Variants in TNS1 observed in about 807,000 individuals in gnomAD.
TNS1 encodes tensin-1.
A neutral mutation model predicts 168.6 loss-of-function variants in TNS1; 62 were observed. That is an observed-to-expected ratio of 0.37 (90% CI 0.30 to 0.45). The LOEUF (loss-of-function observed/expected upper bound fraction) is 0.45, where lower values mean the gene tolerates loss of function less well. TNS1 is among the 20% of genes least tolerant of loss of function. TNS1 has a pLI of 1.00. For synonymous variants in TNS1, 934 were observed against 933.2 expected, an observed-to-expected ratio of 1.00 and a Z score of -0.02; for missense variants, 2,240 against 2,339.4, an observed-to-expected ratio of 0.96 and a Z score of 0.88.
intron 18 of TNS1, among the ~76,000 whole-genome samples, chr2:217,876,445 G>T (rs1226351519): frequency 1.3e-5 from 2 of 152,174 alleles, no homozygotes; most frequent in Non-Finnish European, 2.9e-5. Context: ...TCTAACTGGA[G>T]AGAGGCAGAG....
Position 217,818,730 on chromosome 2 carries a change from T to C in TNS1, c.3602A>G (p.Glu1201Gly). Reference protein sequence around the residue: ...STSVGSFPSGESSDQGPRTPT... With the variant: ...STSVGSFPSGGSSDQGPRTPT... The stretch of plus-strand genomic sequence containing the variant: ...CGTCCGGGGACCCTGGTCACTGCTC[T>C]CTCCCGACGGGAAACTCCCCACTGA... The change falls in exon 24 of 33, where the codon GAG becomes GGG. Residue 1201 changes from glutamate to glycine, a missense_variant. Coordinates refer to ENST00000682258, the MANE Select transcript of TNS1 (RefSeq NM_001387777.1). 3 of 1,612,720 alleles carry C rather than the reference T, an allele frequency of 1.9e-6. No homozygotes were observed. The highest frequency in any genetic ancestry group is 2.5e-6 in the Non-Finnish European group (3 of 1,179,354).
At chr2:217,841,816 C>T (rs1254786926) in intron 19 of TNS1, among the ~76,000 whole-genome samples, 2 of 152,172 alleles carry the variant, frequency 1.3e-5, no homozygotes, top group Non-Finnish European at 2.9e-5. Context: ...CTTACCACAG[C>T]CATCTGAGTG....
chr2:218,017,770 A>T (rs1464471108), intron 1 of TNS1, among the ~76,000 whole-genome samples: 1 of 152,266 alleles, frequency 6.6e-6, no homozygotes, highest in Non-Finnish European at 1.5e-5. Flanking sequence ...GTCTAGCAGG[A>T]GACCTGATTC....
intron 2 of TNS1, among the ~76,000 whole-genome samples, chr2:217,982,614 G>T (rs1454845831): frequency 3.9e-5 from 6 of 152,006 alleles, no homozygotes; most frequent in African/African-American, 1.5e-4. Flanking sequence ...ATTTGCCCAG[G>T]CTGGTCTCGA....
intron 18 of TNS1, among the ~76,000 whole-genome samples, chr2:217,862,011 A>G (rs114583052): frequency 2.1e-4 from 32 of 152,338 alleles, no homozygotes; most frequent in South Asian, 4.1e-4. Flanking sequence ...GGTGCAGACT[A>G]CAAGGATGTG....
intron 18 of TNS1, among the ~76,000 whole-genome samples, chr2:217,868,452 C>T (rs1949482303): frequency 6.6e-6 from 1 of 152,178 alleles, no homozygotes; most frequent in Non-Finnish European, 1.5e-5. Context: ...GGACTTGCAG[C>T]CAGAGGCCTT....
intron 1 of TNS1, among the ~76,000 whole-genome samples, chr2:218,002,041 C>G (rs1958574335): frequency 6.6e-6 from 1 of 152,234 alleles, no homozygotes; most frequent in South Asian, 2.1e-4. Context: ...GGGGTCCTCT[C>G]CTCCTCTGAC....
chr2:217,878,850 C>A (rs904100825), intron 18 of TNS1, among the ~76,000 whole-genome samples: 3 of 152,218 alleles, frequency 2.0e-5, no homozygotes, highest in African/African-American at 7.2e-5. Context: ...TCATGAAGGC[C>A]GCTATAGGCA....
chr2:217,917,122 AG>A (rs1464935849), intron 4 of TNS1, among the ~76,000 whole-genome samples: 1 of 152,088 alleles, frequency 6.6e-6, no homozygotes, highest in East Asian at 1.9e-4. Context: ...CCCACTCCCC[AG>A]GGACAGTAGC....
upstream of TNS1, among the ~76,000 whole-genome samples, chr2:218,006,099 G>A (rs1277318075): frequency 6.6e-6 from 1 of 152,082 alleles, no homozygotes; most frequent in Admixed American, 6.6e-5. Context: ...CTGCCTTCCC[G>A]CTGCATGCGG....
chr2:217,916,345 G>A (rs748124967), intron 4 of TNS1, among the ~76,000 whole-genome samples: 3 of 151,264 alleles, frequency 2.0e-5, no homozygotes, highest in Non-Finnish European at 2.9e-5. Flanking sequence ...CTACAGGGAC[G>A]TTCCAAGCCC....
At chr2:217,933,143 C>T (rs192489910) in intron 3 of TNS1, among the ~76,000 whole-genome samples, 1 of 152,308 alleles carries the variant, frequency 6.6e-6, no homozygotes, top group East Asian at 1.9e-4. Context: ...CATTGTTTGG[C>T]TCCATTTGAC....
At chr2:217,987,189 GT>G (rs1050967140) in intron 2 of TNS1, 2 of 152,360 alleles carry the variant, frequency 1.3e-5, no homozygotes, top group African/African-American at 4.8e-5. Flanking sequence ...TGTCTCATCT[GT>G]CTCTGCATCT....
At chr2:217,913,468 G>C (rs370368106) in intron 4 of TNS1, among the ~76,000 whole-genome samples, 3 of 151,928 alleles carry the variant, frequency 2.0e-5, no homozygotes, top group African/African-American at 7.3e-5. Flanking sequence ...TCTCCTCCCC[G>C]ACCTGGCCAG....
At position 217,800,498 on chromosome 2, in the gene TNS1, C is replaced by T. The variant is rs139717798; in HGVS notation, c.*3961G>A. The T allele has an allele frequency of 6.6e-6, 1 of 152,310 alleles. No homozygotes were observed. The highest frequency in any genetic ancestry group is 1.5e-5 in the Non-Finnish European group (1 of 68,124). 9.4% of individuals were successfully genotyped at this position (152,310 alleles called of 1,614,324 possible). ...AAGTTCCATTGCCCAGCACCTCCAACCCCGACTCCCAAGTTCCCTAAAGAA... is the reference window on the plus strand; with the variant it reads ...AAGTTCCATTGCCCAGCACCTCCAATCCCGACTCCCAAGTTCCCTAAAGAA... On this transcript the variant is annotated 3_prime_UTR_variant, in exon 33 of 33. Transcript: ENST00000682258.
At chr2:217,917,378 G>A (rs975623789) in intron 4 of TNS1, among the ~76,000 whole-genome samples, 1 of 152,142 alleles carries the variant, frequency 6.6e-6, no homozygotes, top group Non-Finnish European at 1.5e-5. Context: ...AAAATTCCTT[G>A]TCCTAATGGA....
intron 1 of TNS1, among the ~76,000 whole-genome samples, chr2:218,008,028 G>A (rs1017356060): frequency 7.2e-5 from 11 of 152,140 alleles, no homozygotes; most frequent in African/African-American, 2.7e-4. Flanking sequence ...CAGAAATGTG[G>A]GTGCTCTCTG....
chr2:217,858,460 A>G, intron 18 of TNS1: 1 of 952,156 alleles, frequency 1.1e-6, no homozygotes, highest in Non-Finnish European at 1.3e-6. Context: ...AAGAACACTC[A>G]CAGGCAAAAC....
intron 18 of TNS1, among the ~76,000 whole-genome samples, chr2:217,862,418 C>A (rs1202602628): frequency 4.6e-5 from 7 of 152,178 alleles, no homozygotes; most frequent in African/African-American, 7.2e-5. Context: ...ATCCCCTGTA[C>A]CCCCTGAGGT....
Sources: allele counts gnomAD v4.1 joint callset (sites outside exome capture counted in the v4.1 genomes callset), GRCh38; gene constraint gnomAD v4.1.1; transcripts MANE v1.5; gene names NCBI Gene and HGNC (gene_info 2026-07-23, HGNC 2026-07-21).